The following PDSS2 variants were observed in gnomAD, a reference collection of about 807,000 sequenced individuals.
PDSS2 encodes the protein decaprenyl diphosphate synthase subunit 2, also known as all trans-polyprenyl-diphosphate synthase PDSS2.
A neutral mutation model predicts 44.5 loss-of-function variants in PDSS2; 31 were observed. That is an observed-to-expected ratio of 0.70 (90% CI 0.52 to 0.94). The LOEUF (loss-of-function observed/expected upper bound fraction) is 0.94. PDSS2 is among the 40% of genes least tolerant of loss of function. PDSS2 has a pLI of 0.00. For synonymous variants in PDSS2, 157 were observed against 180.3 expected (o/e 0.87, Z 1.03); for missense variants, 452 against 482.2 (o/e 0.94, Z 0.59).
chr6:107,274,239 AG>A lies in PDSS2; in HGVS notation c.432-13del. 6.3e-7 allele frequency: 1 copy of A among 1,596,956 alleles called. No homozygotes were observed. Among genetic ancestry groups the A allele is most frequent in the Non-Finnish European group, 8.6e-7 (1 of 1,164,350 alleles). On this transcript the variant is annotated splice_polypyrimidine_tract_variant and intron_variant, in intron 2 of 7. Coordinates refer to ENST00000369037, the MANE Select transcript of PDSS2 (RefSeq NM_020381.4). The stretch of plus-strand genomic sequence containing the variant: ...CCAAACTTCTTTGACTAAAACATAA[AG>A]GTAAGATTTGTTAGAATATCAAGAA...
At chr6:107,219,789 C>T (rs1773538852) in intron 4 of PDSS2, among the ~76,000 whole-genome samples, 1 of 152,144 alleles carries the variant, frequency 6.6e-6, no homozygotes, top group African/African-American at 2.4e-5. Flanking sequence ...ATTTTTTAAT[C>T]ACTTAGGCCA....
intron 2 of PDSS2, among the ~76,000 whole-genome samples, chr6:107,320,077 G>T (rs1009280264): frequency 2.6e-5 from 4 of 152,178 alleles, no homozygotes; most frequent in African/African-American, 9.7e-5. Context: ...TGGGAACACA[G>T]TCGTTTGCAT....
rs1775491351 is a variant in PDSS2, at chr6:107,268,729, T to C, written c.630+5300A>G. ...CGCAATATTCTTCACAGTTGCAGTTTATGGTTAGTTTGAAATTACTGATAC... is the reference window on the plus strand; with the variant it reads ...CGCAATATTCTTCACAGTTGCAGTTCATGGTTAGTTTGAAATTACTGATAC... On this transcript the variant is annotated intron_variant, in intron 3 of 7. Coordinates refer to ENST00000369037, the MANE Select transcript of PDSS2 (RefSeq NM_020381.4). Among the ~76,000 whole-genome samples, 3 of 152,166 alleles carry C rather than the reference T, an allele frequency of 2.0e-5. No individual in the cohort carries two copies. The South Asian group carries it at 6.2e-4, about 32-fold the overall frequency.
chr6:107,320,916 G>C (rs963366358), intron 2 of PDSS2, among the ~76,000 whole-genome samples: 6 of 152,150 alleles, frequency 3.9e-5, no homozygotes, highest in African/African-American at 1.4e-4. Flanking sequence ...TACAGTAATG[G>C]AAAGAGCATG....
chr6:107,378,457 T>C (rs750358851), intron 1 of PDSS2, among the ~76,000 whole-genome samples: 3 of 152,046 alleles, frequency 2.0e-5, no homozygotes, highest in Non-Finnish European at 2.9e-5. Flanking sequence ...CAATAGACAA[T>C]TGGAAACTGA....
At chr6:107,414,409 G>A (rs1488286681) in intron 1 of PDSS2, among the ~76,000 whole-genome samples, 1 of 152,218 alleles carries the variant, frequency 6.6e-6, no homozygotes, top group Admixed American at 6.5e-5. Flanking sequence ...AACAGCTAGA[G>A]AGCCAAGGGA....
At chr6:107,301,921 CAAAAAAAAA>C (rs10592658) in intron 2 of PDSS2, among the ~76,000 whole-genome samples, 1 of 78,666 alleles carries the variant, frequency 1.3e-5, no homozygotes. Context: ...GACTCTATCT[CAAAAAAAAA>C]AAAAAAAAAA....
intron 1 of PDSS2, among the ~76,000 whole-genome samples, chr6:107,336,807 A>T (rs935681185): frequency 6.7e-6 from 1 of 149,708 alleles, no homozygotes; most frequent in Non-Finnish European, 1.5e-5. Flanking sequence ...TAGAAAAGGA[A>T]AAGAAAAAGA....
chr6:107,244,800 A>T (rs1774554026), intron 4 of PDSS2, among the ~76,000 whole-genome samples: 1 of 152,208 alleles, frequency 6.6e-6, no homozygotes, highest in Non-Finnish European at 1.5e-5. Context: ...AAGTGAGTGA[A>T]ATCTTGCTAA....
chr6:107,366,610 G>A (rs1394296960), intron 1 of PDSS2, among the ~76,000 whole-genome samples: 1 of 151,612 alleles, frequency 6.6e-6, no homozygotes, highest in Admixed American at 6.6e-5. Flanking sequence ...TAAGAAAGAA[G>A]ACACAAATAA....
chr6:107,249,604 C>T (rs1201496336), intron 3 of PDSS2, among the ~76,000 whole-genome samples: 3 of 152,232 alleles, frequency 2.0e-5, no homozygotes, highest in Non-Finnish European at 2.9e-5. Flanking sequence ...AAAAAAAATG[C>T]TCTTCTCTTC....
chr6:107,354,279 T>C (rs546387200), intron 1 of PDSS2, among the ~76,000 whole-genome samples: 3 of 152,312 alleles, frequency 2.0e-5, no homozygotes, highest in African/African-American at 7.2e-5. Flanking sequence ...CATAATAGAT[T>C]GAAATAATAA....
In PDSS2 at chr6:107,157,309, C is replaced by T. The variant is rs183182031; in HGVS notation, c.1042-2532G>A. Among the ~76,000 whole-genome samples the T allele has an allele frequency of 8.1e-3, 1,223 of 150,664 alleles. 23 individuals are homozygous for T. Among genetic ancestry groups the T allele is most frequent in the African/African-American group, 0.029 (1,185 of 41,302 alleles). ...AAGTGATCTTTCCACCTCAGCCACC[C>T]GGGTAGCTGGGAAGACAGGCATGCA... On this transcript the variant is annotated intron_variant, in intron 7 of 7. Transcript: ENST00000369037.
intron 1 of PDSS2, among the ~76,000 whole-genome samples, chr6:107,435,318 ACACACACACACACG>A (rs1280878417): frequency 7.2e-6 from 1 of 138,718 alleles, no homozygotes; most frequent in African/African-American, 3.0e-5. Context: ...ACACACACAC[ACACACACACACACG>A]ATTAAAATGA....
At position 107,334,279 on chromosome 6, in the gene PDSS2, A is replaced by C; in HGVS notation, c.350T>G (p.Leu117Arg). ...GGGCCCAGCTGCTTTAGAGATAAGG[A>C]GCACCACCAAGCCCCTCAACTGGAG... ...NSLQLRGLVV[L>R]LISKAAGPSS... The change falls in exon 2 of 8, where the codon CTC becomes CGC. Residue 117 changes from leucine to arginine, a missense_variant. Transcript: ENST00000369037. 1 of 1,613,340 alleles carries C rather than the reference A, an allele frequency of 6.2e-7. No individual in the cohort carries two copies. Among genetic ancestry groups the C allele is most frequent in the Non-Finnish European group, 8.5e-7 (1 of 1,179,434 alleles).
At chr6:107,211,096 T>C (rs892498234) in intron 5 of PDSS2, among the ~76,000 whole-genome samples, 1 of 152,086 alleles carries the variant, frequency 6.6e-6, no homozygotes, top group Non-Finnish European at 1.5e-5. Context: ...GTCTTTATTT[T>C]ACTTTTTAAG....
chr6:107,416,282 G>C (rs1430146158), intron 1 of PDSS2, among the ~76,000 whole-genome samples: 2 of 152,052 alleles, frequency 1.3e-5, no homozygotes, highest in Non-Finnish European at 2.9e-5. Flanking sequence ...ATGAGCCAGA[G>C]AAGATGGGAA....
chr6:107,379,300 G>A (rs1779386578), intron 1 of PDSS2, among the ~76,000 whole-genome samples: 1 of 152,122 alleles, frequency 6.6e-6, no homozygotes, highest in Non-Finnish European at 1.5e-5. Context: ...ACACTTATCT[G>A]ATGTTTACTT....
In PDSS2 at chr6:107,227,278, C is replaced by CTTTTTT. The variant is rs60988844; in HGVS notation, c.703-15002_703-14997dup. ...GATTATAGGTGTAAGCCACTGTGCC[C>CTTTTTT]TTTTTTTTTTTTTTTTTTTTTTTTT... On this transcript the variant is annotated intron_variant, in intron 4 of 7. Coordinates refer to ENST00000369037, the MANE Select transcript of PDSS2 (RefSeq NM_020381.4). Among the ~76,000 whole-genome samples, 61 of 102,800 alleles carry CTTTTTT rather than the reference C, an allele frequency of 5.9e-4. 8 individuals are homozygous for CTTTTTT. Among genetic ancestry groups the CTTTTTT allele is most frequent in the African/African-American group, 8.5e-4 (22 of 26,006 alleles). The allele number at this position is 102,800 out of a possible 152,430, so 67.4% of individuals were successfully genotyped here. A position where few individuals can be genotyped will look rare whatever the true frequency, so the allele number is the denominator to read the frequency against.
Sources: allele counts gnomAD v4.1 joint callset (sites outside exome capture counted in the v4.1 genomes callset), GRCh38; gene constraint gnomAD v4.1.1; transcripts MANE v1.5; gene names NCBI Gene and HGNC (gene_info 2026-07-23, HGNC 2026-07-21).